Variants in SNTG2 observed in about 807,000 individuals in gnomAD.
The protein encoded by SNTG2 is gamma-2-syntrophin.
In SNTG2, 74 loss-of-function variants were observed where a neutral mutation model predicts 70.9. The ratio of observed to expected loss-of-function variants is 1.04; its 90% CI spans 0.86 to 1.27. The LOEUF (loss-of-function observed/expected upper bound fraction) is 1.27. SNTG2 is among the 50% of genes most tolerant of loss of function. The pLI, the probability that SNTG2 is intolerant of heterozygous loss-of-function variation, is 0.00. For synonymous variants in SNTG2, 278 were observed against 273.8 expected (o/e 1.02, Z -0.15); for missense variants, 717 against 690.7 (o/e 1.04, Z -0.43).
intron 14 of SNTG2, among the ~76,000 whole-genome samples, chr2:1,278,747 G>A (rs1679375070): frequency 6.6e-6 from 1 of 152,182 alleles, no homozygotes; most frequent in African/African-American, 2.4e-5. Context: ...GTGACATACA[G>A]TAGTCTCCTT....
intron 16 of SNTG2, among the ~76,000 whole-genome samples, chr2:1,366,445 A>C (rs1465702311): frequency 2.6e-5 from 4 of 152,156 alleles, no homozygotes; most frequent in Non-Finnish European, 5.9e-5. Flanking sequence ...TATGTGGGGC[A>C]GTTTGTGGAG....
intron 16 of SNTG2, 51 bp downstream of exon 16, chr2:1,316,426 C>A: frequency 1.0e-6 from 1 of 962,568 alleles, no homozygotes; most frequent in Non-Finnish European, 1.6e-6. Context: ...ACATAAAGTA[C>A]AGCTCAGAGG....
At chr2:979,839 A>G (rs899111038) in intron 1 of SNTG2, among the ~76,000 whole-genome samples, 1 of 152,162 alleles carries the variant, frequency 6.6e-6, no homozygotes, top group African/African-American at 2.4e-5. Flanking sequence ...TCCACAGAGA[A>G]CTAACACCTT....
Position 1,102,947 on chromosome 2 carries a change from T to G in SNTG2, c.325+4537T>G, listed in dbSNP as rs986023729. Among the ~76,000 whole-genome samples, 3 of 152,194 alleles carry G rather than the reference T, an allele frequency of 2.0e-5. No individual in the cohort carries two copies. In the East Asian group the frequency reaches 5.8e-4, roughly 29 times the overall value. The stretch of plus-strand genomic sequence containing the variant: ...TGAGCCTCTGAATTGCCTGAGCAGC[T>G]TTGCAGAGCATGACAGAGCCAAGAC... On this transcript the variant is annotated intron_variant, in intron 4 of 16. Transcript: ENST00000308624.
At chr2:1,117,847 C>G (rs1558421492) in intron 4 of SNTG2, among the ~76,000 whole-genome samples, 1 of 152,232 alleles carries the variant, frequency 6.6e-6, no homozygotes, top group African/African-American at 2.4e-5. Flanking sequence ...CCTGCCATCC[C>G]TGAGTCACTA....
chr2:1,219,932 T>C (rs1161625865), intron 9 of SNTG2: 1 of 152,242 alleles, frequency 6.6e-6, no homozygotes, highest in Non-Finnish European at 1.5e-5. Context: ...ATAGTAGTCA[T>C]AATGGAAACA....
intron 16 of SNTG2, among the ~76,000 whole-genome samples, chr2:1,350,182 T>C (rs374274095): frequency 1.3e-5 from 2 of 152,142 alleles, no homozygotes; most frequent in East Asian, 1.9e-4. Flanking sequence ...AGGATAATTA[T>C]GGTTTTTTAA....
intron 4 of SNTG2, among the ~76,000 whole-genome samples, chr2:1,114,237 G>A (rs1572470090): frequency 1.3e-5 from 2 of 151,810 alleles, no homozygotes; most frequent in African/African-American, 2.4e-5. Flanking sequence ...ACTAAGTGAG[G>A]TTTAACCCTT....
chr2:1,057,765 A>G (rs530027377), intron 1 of SNTG2, among the ~76,000 whole-genome samples: 1 of 152,226 alleles, frequency 6.6e-6, no homozygotes, highest in Non-Finnish European at 1.5e-5. Context: ...GTGGCAAAAT[A>G]TAAATGCCTC....
intron 1 of SNTG2, among the ~76,000 whole-genome samples, chr2:968,410 T>C (rs57093664): frequency 0.078 from 11,883 of 152,310 alleles, 691 homozygotes; most frequent in South Asian, 0.2. Context: ...TATCAATTTT[T>C]AGTGTTCTTT....
At chr2:1,255,871 T>C (rs368391762) in intron 12 of SNTG2, among the ~76,000 whole-genome samples, 7 of 62,064 alleles carry the variant, frequency 1.1e-4, no homozygotes, top group Admixed American at 1.0e-3. Flanking sequence ...TAAATATATA[T>C]AAATATATAT....
chr2:1,323,056 T>A (rs1032645987), intron 16 of SNTG2, among the ~76,000 whole-genome samples: 8 of 152,174 alleles, frequency 5.3e-5, no homozygotes, highest in African/African-American at 1.9e-4. Flanking sequence ...TTTAACAGAT[T>A]CAGAAAATTT....
At chr2:1,002,980 A>G (rs1002737969) in intron 1 of SNTG2, among the ~76,000 whole-genome samples, 1 of 152,056 alleles carries the variant, frequency 6.6e-6, no homozygotes, top group South Asian at 2.1e-4. Flanking sequence ...ATTATCTTAA[A>G]CGAATTAACT....
intron 5 of SNTG2, 44 bp downstream of exon 5, chr2:1,137,709 T>G (rs750450852): frequency 1.9e-6 from 3 of 1,613,374 alleles, no homozygotes; most frequent in Admixed American, 3.3e-5. Flanking sequence ...TGCATTTTTA[T>G]TTTTAACTTG....
intron 12 of SNTG2, among the ~76,000 whole-genome samples, chr2:1,248,294 G>A (rs1032169575): frequency 1.3e-5 from 2 of 152,270 alleles, no homozygotes; most frequent in East Asian, 3.9e-4. Context: ...AGAGAGCCCC[G>A]TCTGCCTCCA....
chr2:1,250,051 A>T (rs781262181), intron 12 of SNTG2, among the ~76,000 whole-genome samples: 2 of 152,196 alleles, frequency 1.3e-5, no homozygotes, highest in Non-Finnish European at 2.9e-5. Context: ...CCGGGAAGCC[A>T]AAGTCACATT....
intron 14 of SNTG2, among the ~76,000 whole-genome samples, chr2:1,302,790 G>C (rs1288310137): frequency 3.3e-5 from 5 of 152,100 alleles, no homozygotes; most frequent in African/African-American, 1.2e-4. Context: ...AAGTAAATGA[G>C]TAAAAAGAGA....
chr2:1,057,000 G>T (rs1471419738), intron 1 of SNTG2, among the ~76,000 whole-genome samples: 2 of 148,576 alleles, frequency 1.3e-5, no homozygotes, highest in Non-Finnish European at 3.0e-5. Flanking sequence ...TGGGGAGGGA[G>T]GAGAGGGCGG....
chr2:1,079,797 A>G (rs1664163419), intron 1 of SNTG2, among the ~76,000 whole-genome samples: 1 of 152,222 alleles, frequency 6.6e-6, no homozygotes, highest in Non-Finnish European at 1.5e-5. Flanking sequence ...ATTAGTTGGA[A>G]GTTAATATCC....
Sources: allele counts gnomAD v4.1 joint callset (sites outside exome capture counted in the v4.1 genomes callset), GRCh38; gene constraint gnomAD v4.1.1; transcripts MANE v1.5; gene names NCBI Gene and HGNC (gene_info 2026-07-23, HGNC 2026-07-21).